FOXP2: variants seen among roughly 807,000 people sequenced by gnomAD.
The protein encoded by FOXP2 is forkhead box protein P2.
In FOXP2, 12 loss-of-function variants were observed where a neutral mutation model predicts 115.8. The observed-to-expected ratio is 0.10, with a 90% CI of 0.07 to 0.17. The LOEUF (loss-of-function observed/expected upper bound fraction) is 0.17. FOXP2 is among the 10% of genes least tolerant of loss of function. The pLI is 1.00. For synonymous variants in FOXP2, 328 were observed against 297.7 expected (o/e 1.10, Z -1.05); for missense variants, 629 against 843.5 (o/e 0.75, Z 3.15).
chr7:114,312,145 T>C (rs1416635458), intron 2 of FOXP2, among the ~76,000 whole-genome samples: 1 of 152,162 alleles, frequency 6.6e-6, no homozygotes, highest in Non-Finnish European at 1.5e-5. Context: ...CAAATCTCCA[T>C]ATTGAATAGG....
chr7:114,656,448 CAA>C, intron 10 of FOXP2: 1 of 428,474 alleles, frequency 2.3e-6, no homozygotes, highest in Non-Finnish European at 4.7e-6. Flanking sequence ...AGAATATTTG[CAA>C]AGTCACATAC....
intron 2 of FOXP2, among the ~76,000 whole-genome samples, chr7:114,460,628 G>C (rs985267206): frequency 5.3e-5 from 8 of 152,062 alleles, no homozygotes; most frequent in Non-Finnish European, 1.2e-4. Context: ...CAGTGTCCTC[G>C]TATTTGTGTA....
intron 1 of FOXP2, among the ~76,000 whole-genome samples, chr7:114,094,856 C>T (rs563010802): frequency 5.7e-4 from 87 of 152,034 alleles, no homozygotes; most frequent in Middle Eastern, 3.4e-3. Context: ...GATGAGGTCT[C>T]GCTATGTTGT....
chr7:114,371,247 A>ATTTTTTTTTT, intron 2 of FOXP2, among the ~76,000 whole-genome samples: 1 of 141,072 alleles, frequency 7.1e-6, no homozygotes, highest in Non-Finnish European at 1.5e-5. Context: ...TGTCCAGCTA[A>ATTTTTTTTTT]TTTTTTTTTT....
At chr7:114,253,798 G>C (rs1416616947) in intron 1 of FOXP2, among the ~76,000 whole-genome samples, 7 of 152,152 alleles carry the variant, frequency 4.6e-5, no homozygotes, top group African/African-American at 1.7e-4. Context: ...TTACATTTAA[G>C]ATTAATATTG....
At chr7:114,396,651 G>T (rs922591237) in intron 2 of FOXP2, among the ~76,000 whole-genome samples, 5 of 151,878 alleles carry the variant, frequency 3.3e-5, no homozygotes, top group African/African-American at 1.2e-4. Context: ...TAGAATGATG[G>T]TTACTAGGGG....
intron 8 of FOXP2, among the ~76,000 whole-genome samples, chr7:114,646,060 T>A (rs1021485897): frequency 1.8e-4 from 15 of 85,656 alleles, no homozygotes; most frequent in East Asian, 6.2e-4. Context: ...TTTTCTTCTC[T>A]AAAAAAAAAA....
intron 2 of FOXP2, among the ~76,000 whole-genome samples, chr7:114,291,057 G>T (rs186776816): frequency 2.3e-4 from 35 of 152,228 alleles, no homozygotes; most frequent in Admixed American, 2.0e-3. Flanking sequence ...CTAAATATGA[G>T]TTAATTCTGT....
chr7:114,415,834 A>T (rs1562912256), intron 1 of FOXP2, among the ~76,000 whole-genome samples: 1 of 151,476 alleles, frequency 6.6e-6, no homozygotes, highest in African/African-American at 2.4e-5. Context: ...TAAAGGGGAA[A>T]CTCTTTTTGC....
intron 2 of FOXP2, among the ~76,000 whole-genome samples, chr7:114,514,693 A>G (rs945124791): frequency 1.3e-5 from 2 of 150,622 alleles, no homozygotes; most frequent in Non-Finnish European, 3.0e-5. Context: ...TTATTTATTT[A>G]TTTATTTATT....
At chr7:114,645,315 A>G (rs1805828966) in intron 8 of FOXP2, 1 of 151,472 alleles carries the variant, frequency 6.6e-6, no homozygotes, top group African/African-American at 2.4e-5. Context: ...TAAAAAAACT[A>G]CATTTCATTT....
chr7:114,489,544 C>A (rs1796937809), intron 2 of FOXP2, among the ~76,000 whole-genome samples: 1 of 151,700 alleles, frequency 6.6e-6, no homozygotes, highest in East Asian at 2.0e-4. Flanking sequence ...AATGAATTCC[C>A]AATCTTTCTC....
intron 2 of FOXP2, among the ~76,000 whole-genome samples, chr7:114,403,463 A>G (rs1792942943): frequency 6.6e-6 from 1 of 152,238 alleles, no homozygotes; most frequent in Non-Finnish European, 1.5e-5. Context: ...AAAAGAGTGA[A>G]TCACTGTTCT....
intron 1 of FOXP2, among the ~76,000 whole-genome samples, chr7:114,169,292 C>G (rs1230756443): frequency 1.3e-5 from 2 of 152,228 alleles, no homozygotes; most frequent in Non-Finnish European, 2.9e-5. Context: ...GGAGGCTGTA[C>G]CCTGCAAAGC....
intron 2 of FOXP2, among the ~76,000 whole-genome samples, chr7:114,460,627 C>T (rs773143466): frequency 6.6e-5 from 10 of 152,056 alleles, no homozygotes; most frequent in African/African-American, 9.7e-5. Context: ...TCAGTGTCCT[C>T]GTATTTGTGT....
At chr7:114,612,089 T>C (rs890554893) in intron 3 of FOXP2, among the ~76,000 whole-genome samples, 2 of 152,152 alleles carry the variant, frequency 1.3e-5, no homozygotes, top group Non-Finnish European at 2.9e-5. Flanking sequence ...GAGATGAGAC[T>C]ATATATAGTA....
intron 2 of FOXP2, among the ~76,000 whole-genome samples, chr7:114,446,589 A>G (rs1188494720): frequency 6.6e-6 from 1 of 152,022 alleles, no homozygotes; most frequent in Non-Finnish European, 1.5e-5. Flanking sequence ...AAATATACCA[A>G]TATTATAGCT....
At chr7:114,536,312 C>G (rs894963500) in intron 3 of FOXP2, among the ~76,000 whole-genome samples, 2 of 151,204 alleles carry the variant, frequency 1.3e-5, no homozygotes, top group African/African-American at 4.8e-5. Flanking sequence ...TTCTTCCTCT[C>G]CAAAGCTAAG....
intron 1 of FOXP2, among the ~76,000 whole-genome samples, chr7:114,188,919 G>A (rs1793685905): frequency 6.6e-6 from 1 of 152,074 alleles, no homozygotes; most frequent in Non-Finnish European, 1.5e-5. Flanking sequence ...TCACTTATTA[G>A]ACAATGAAAA....
Sources: allele counts gnomAD v4.1 joint callset (sites outside exome capture counted in the v4.1 genomes callset), GRCh38; gene constraint gnomAD v4.1.1; transcripts MANE v1.5; gene names NCBI Gene and HGNC (gene_info 2026-07-23, HGNC 2026-07-21).